The following CSN2 variants were observed in gnomAD, a reference collection of about 807,000 sequenced individuals.
CSN2 encodes the protein beta-casein.
Under a neutral mutation model 27.3 loss-of-function variants are expected in CSN2, and 27 were observed. The observed-to-expected ratio is 0.99, with a 90% CI of 0.73 to 1.36. The LOEUF (loss-of-function observed/expected upper bound fraction) is 1.36, where lower values mean the gene tolerates loss of function less well. CSN2 is among the 40% of genes most tolerant of loss of function. The probability of loss-of-function intolerance (pLI) is 0.00; values close to 1 mark genes in which losing one functional copy is unlikely to be tolerated. For missense variants in CSN2, 333 were observed against 264.5 expected (o/e 1.26, Z -1.80); for synonymous variants, 131 against 94.8 (o/e 1.38, Z -2.22).
intron 5 of CSN2, among the ~76,000 whole-genome samples, chr4:69,958,167 T>A (rs1723464753): frequency 6.6e-6 from 1 of 152,136 alleles, no homozygotes; most frequent in Admixed American, 6.6e-5. Flanking sequence ...GTAGACCAAA[T>A]TGTTTTCATA....
rs371674468 is a variant in CSN2, at chr4:69,957,846, T to C, written c.145-42A>G. Reference sequence around the variant, plus strand: ...AGAATCTTTGAGTCCTTGATTAAGCTATAATTGCCATTCATAATGAATTCA... The same window carrying C: ...AGAATCTTTGAGTCCTTGATTAAGCCATAATTGCCATTCATAATGAATTCA... On this transcript the variant is annotated intron_variant, in intron 5 of 7. Coordinates refer to ENST00000353151, the MANE Select transcript of CSN2 (RefSeq NM_001891.4). The C allele has an allele frequency of 3.5e-5, 52 of 1,499,302 alleles. No individual in the cohort carries two copies. In the African/African-American group the frequency reaches 7.1e-4, roughly 20 times the overall value. 92.9% of individuals were successfully genotyped at this position (1,499,302 alleles called of 1,614,324 possible).
intron 1 of CSN2, among the ~76,000 whole-genome samples, chr4:69,964,803 C>T (rs1723742056): frequency 6.7e-6 from 1 of 149,288 alleles, no homozygotes; most frequent in Non-Finnish European, 1.5e-5. Context: ...AATTACAATG[C>T]TAATTTATAT....
chr4:69,962,251 A>G (rs148775018), intron 1 of CSN2, among the ~76,000 whole-genome samples: 1,957 of 152,280 alleles, frequency 0.013, 23 homozygotes, highest in Middle Eastern at 0.024. Context: ...TTCATATGGA[A>G]CCAAAAAAGA....
intron 1 of CSN2, among the ~76,000 whole-genome samples, chr4:69,963,477 A>C (rs1379813847): frequency 1.3e-5 from 2 of 152,064 alleles, no homozygotes; most frequent in Admixed American, 6.6e-5. Flanking sequence ...TCAGCAAACT[A>C]TCGCAAGGAC....
At chr4:69,960,817 G>T in intron 2 of CSN2, 128 bp downstream of exon 2, 2 of 741,850 alleles carry the variant, frequency 2.7e-6, no homozygotes, top group Non-Finnish European at 4.4e-6. Flanking sequence ...TTTGATAGAA[G>T]CCAAGAGAAT....
chr4:69,955,300 T>C lies in CSN2; in HGVS notation c.*329A>G, dbSNP rs1723362683. The C allele has an allele frequency of 6.6e-6, 1 of 152,430 alleles. No homozygotes were observed. The highest frequency in any genetic ancestry group is 1.5e-5 in the Non-Finnish European group (1 of 67,932). The allele number at this position is 152,430 out of a possible 1,614,324, so 9.4% of individuals were successfully genotyped here. A position where few individuals can be genotyped will look rare whatever the true frequency, so the allele number is the denominator to read the frequency against. ...TTGAAATGACTGGAAAGGAAATAGA[T>C]TCTTAAAGAAATAAAAATAAGCACA... On this transcript the variant is annotated 3_prime_UTR_variant, in exon 8 of 8. Transcript: ENST00000353151.
At chr4:69,957,192 A>C (rs1723424355) in intron 6 of CSN2, 82 bp downstream of exon 6, 1 of 1,353,776 alleles carries the variant, frequency 7.4e-7, no homozygotes, top group African/African-American at 1.5e-5. Context: ...TTTTTAATTC[A>C]TTTACTCTAC....
intron 2 of CSN2, 102 bp from the exon 3 acceptor site, chr4:69,960,181 T>A (rs1723528732): frequency 1.9e-6 from 2 of 1,038,760 alleles, no homozygotes; most frequent in South Asian, 2.7e-5. Context: ...TAATCTCACC[T>A]CAGAGGATGC....
chr4:69,962,815 A>G (rs1182339775), intron 1 of CSN2, among the ~76,000 whole-genome samples: 1 of 152,242 alleles, frequency 6.6e-6, no homozygotes, highest in Non-Finnish European at 1.5e-5. Flanking sequence ...AGAATGAGAG[A>G]AAATTTTTGC....
chr4:69,957,065 A>G (rs1474330178), intron 6 of CSN2, among the ~76,000 whole-genome samples: 3 of 152,196 alleles, frequency 2.0e-5, no homozygotes, highest in African/African-American at 7.2e-5. Flanking sequence ...ATGACGAGTT[A>G]ATGGGTGCAG....
chr4:69,964,755 TCTA>T (rs1723740403), intron 1 of CSN2, among the ~76,000 whole-genome samples: 1 of 149,732 alleles, frequency 6.7e-6, no homozygotes, highest in African/African-American at 2.4e-5. Flanking sequence ...TTATTACTAA[TCTA>T]CTAATATATA....
chr4:69,959,643 C>A (rs1006106881), intron 3 of CSN2, among the ~76,000 whole-genome samples: 3 of 151,866 alleles, frequency 2.0e-5, no homozygotes, highest in African/African-American at 7.3e-5. Flanking sequence ...GTCCTTTTTG[C>A]ACGTCTGCCT....
Position 69,957,778 on chromosome 4 carries a change from G to A in CSN2, c.171C>T (p.Pro57=), listed in dbSNP as rs910278020. 1.9e-6 allele frequency: 3 copies of A among 1,613,350 alleles called. No homozygotes were observed. The highest frequency in any genetic ancestry group is 1.7e-6 in the Non-Finnish European group (2 of 1,179,662). The change falls in exon 6 of 8, where the codon CCC becomes CCT. Residue 57 remains proline (P), a synonymous_variant. Coordinates refer to ENST00000353151, the MANE Select transcript of CSN2 (RefSeq NM_001891.4). ...GEDEHQDKIY[P]SFQPQPLIYP... Reference sequence around the variant, plus strand: ...AGATCAGAGGCTGTGGCTGGAAAGAGGGGTAGATTTTATCCTGGTGTTCAT... The same window carrying A: ...AGATCAGAGGCTGTGGCTGGAAAGAAGGGTAGATTTTATCCTGGTGTTCAT...
chr4:69,957,215 A>G (rs1203499531), intron 6 of CSN2, 59 bp downstream of exon 6: 1 of 1,422,860 alleles, frequency 7.0e-7, no homozygotes, highest in South Asian at 1.5e-5. Context: ...TTATTCTTTT[A>G]TTCTACCATC....
chr4:69,963,735 A>G (rs140208655), intron 1 of CSN2, among the ~76,000 whole-genome samples: 251 of 152,300 alleles, frequency 1.6e-3, no homozygotes, highest in African/African-American at 5.7e-3. Flanking sequence ...TTAAAGTATA[A>G]TAATAATAAT....
rs148636949 is a variant in CSN2, at chr4:69,957,400, C to A, written c.549G>T (p.Val183=). Residue 183 remains valine, a synonymous_variant, in exon 6 of 8, where the codon GTG becomes GTT. Coordinates refer to ENST00000353151, the MANE Select transcript of CSN2 (RefSeq NM_001891.4). ...GCACAGCTCTCTGAGGGTAGGGCAC[C>A]ACTTGCTGGGGGATAGGCAGGACTT... ...QPKVLPIPQQ[V]VPYPQRAVPV... 3.6e-4 allele frequency: 574 copies of A among 1,613,302 alleles called. No individual in the cohort carries two copies. Among genetic ancestry groups the A allele is most frequent in the Non-Finnish European group, 3.9e-4 (463 of 1,179,856 alleles).
chr4:69,961,279 C>G lies in CSN2; in HGVS notation c.-12-272G>C, dbSNP rs550043720. On this transcript the variant is annotated intron_variant, in intron 1 of 7. Coordinates refer to ENST00000353151, the MANE Select transcript of CSN2 (RefSeq NM_001891.4). ...TTTTCAGCTAACAACTCTATCCCCA[C>G]TTTTAAAAAAGTCCCATTTACAGTA... Among the ~76,000 whole-genome samples the G allele has an allele frequency of 9.9e-5, 15 of 152,194 alleles. No homozygotes were observed. The East Asian group carries it at 2.9e-3, about 29-fold the overall frequency.
Position 69,957,640 on chromosome 4 carries a change from T to C in CSN2, c.309A>G (p.Lys103=). Residue 103 remains lysine (K), a synonymous_variant, in exon 6 of 8, where the codon AAA becomes AAG. Coordinates refer to ENST00000353151, the MANE Select transcript of CSN2 (RefSeq NM_001891.4). The part of the protein sequence containing the change: ...VPQPEIMEVP[K]AKDTVYTKGR... Reference sequence around the variant, plus strand: ...CCTTAGTGTAGACAGTGTCTTTAGCTTTAGGGACTTCCATTATTTCAGGCT... The same window carrying C: ...CCTTAGTGTAGACAGTGTCTTTAGCCTTAGGGACTTCCATTATTTCAGGCT... The C allele has an allele frequency of 6.2e-7, 1 of 1,613,912 alleles. No individual in the cohort carries two copies. The highest frequency in any genetic ancestry group is 8.5e-7 in the Non-Finnish European group (1 of 1,179,960).
Position 69,960,969 on chromosome 4 carries a change from C to G in CSN2, c.27G>C (p.Leu9=), listed in dbSNP as rs755646278. 1.9e-6 allele frequency: 3 copies of G among 1,612,726 alleles called. No individual in the cohort carries two copies. Among genetic ancestry groups the G allele is most frequent in the Non-Finnish European group, 1.7e-6 (2 of 1,179,204 alleles). ...CCTCCCTTGCAAGAGCAAGAGCCAC[C>G]AGGCAGGCGAGGATGAGGACCTTCA... MKVLILAC[L]VALALARETI... is the part of the protein sequence containing the mutation. Residue 9 remains leucine (L), a synonymous_variant, in exon 2 of 8, where the codon CTG becomes CTC. Coordinates refer to ENST00000353151, the MANE Select transcript of CSN2 (RefSeq NM_001891.4).
Sources: allele counts gnomAD v4.1 joint callset (sites outside exome capture counted in the v4.1 genomes callset), GRCh38; gene constraint gnomAD v4.1.1; transcripts MANE v1.5; gene names NCBI Gene and HGNC (gene_info 2026-07-23, HGNC 2026-07-21).